PCDH10: variants seen among roughly 807,000 people sequenced by gnomAD.
The protein encoded by PCDH10 is protocadherin 10.
PCDH10 carries 15 observed loss-of-function variants against 74.4 expected under a neutral mutation model. That is an observed-to-expected ratio of 0.20 (90% CI 0.13 to 0.31). PCDH10 has a LOEUF of 0.31. Among genes scored for constraint, PCDH10 ranks in the 10% least tolerant of loss-of-function variants. PCDH10 has a pLI of 1.00. For missense variants in PCDH10, 1,260 were observed against 1,390.2 expected, an observed-to-expected ratio of 0.91 and a Z score of 1.49; for synonymous variants, 619 against 589.8, an observed-to-expected ratio of 1.05 and a Z score of -0.72.
At chr4:133,173,757 GT>G (rs1187811106) in intron 4 of PCDH10, among the ~76,000 whole-genome samples, 7 of 149,582 alleles carry the variant, frequency 4.7e-5, no homozygotes, top group Non-Finnish European at 7.4e-5. Context: ...CATCTCACAT[GT>G]TGAATTGCAA....
chr4:133,159,022 C>A (rs1726915368), intron 3 of PCDH10, among the ~76,000 whole-genome samples: 1 of 151,824 alleles, frequency 6.6e-6, no homozygotes, highest in African/African-American at 2.4e-5. Flanking sequence ...CTAAAACATA[C>A]TGCAATTTTT....
In PCDH10 at chr4:133,150,188, C is replaced by A. The variant is rs1252572098; in HGVS notation, c.48C>A (p.Val16=). 3 of 1,601,060 alleles carry A rather than the reference C, an allele frequency of 1.9e-6. No homozygotes were observed. The highest frequency in any genetic ancestry group is 2.2e-5 in the East Asian group (1 of 44,792). Residue 16 remains valine (V), a synonymous_variant, in exon 1 of 5, where the codon GTC becomes GTA. Transcript: ENST00000264360. Reference sequence around the variant, plus strand: ...CCTTGCTCTGGATGGTGGAAGGAGTCTTTTCCCAGCTTCACTACACGGTAC... The same window carrying A: ...CCTTGCTCTGGATGGTGGAAGGAGTATTTTCCCAGCTTCACTACACGGTAC... ...LFALLWMVEG[V]FSQLHYTVQE...
chr4:133,183,322 G>A (rs1027106046), intron 4 of PCDH10, among the ~76,000 whole-genome samples: 1 of 152,018 alleles, frequency 6.6e-6, no homozygotes, highest in African/African-American at 2.4e-5. Context: ...GTTACCTTAT[G>A]AGAAGGTAGT....
Position 133,158,619 on chromosome 4 carries a change from G to A in PCDH10, c.2797+3596G>A, listed in dbSNP as rs1367105278. ...TTGATTGGTCAATAATTTCAAATTA[G>A]TAGATAAAATATACCATTGAAATGC... On this transcript the variant is annotated intron_variant, in intron 3 of 4. Transcript: ENST00000264360. Among the ~76,000 whole-genome samples, 3 of 152,178 alleles carry A rather than the reference G, an allele frequency of 2.0e-5. No individual in the cohort carries two copies. In the East Asian group the frequency reaches 5.8e-4, roughly 29 times the overall value.
At chr4:133,163,923 A>T (rs1727027045) in intron 4 of PCDH10, 2 of 445,838 alleles carry the variant, frequency 4.5e-6, no homozygotes, top group African/African-American at 4.1e-5. Flanking sequence ...GCCTTTATGA[A>T]GTATAACGTG....
In PCDH10 at chr4:133,154,348, A is replaced by G; in HGVS notation, c.2673A>G (p.Arg891=). Residue 891 remains arginine, a synonymous_variant, in exon 2 of 5, where the codon AGA becomes AGG. Coordinates refer to ENST00000264360, the MANE Select transcript of PCDH10 (RefSeq NM_032961.3). ...CAGAGCTCAGCTATCTAGTTGACAG[A>G]CCTCGCCGAGTTAACAGGTATGGAC... is the stretch of plus-strand genomic sequence containing the variant. ...QRAELSYLVD[R]PRRVNSSAFQ... is the part of the protein sequence containing the mutation. 4 of 1,605,956 alleles carry G rather than the reference A, an allele frequency of 2.5e-6. No individual in the cohort carries two copies. The highest frequency in any genetic ancestry group is 1.3e-5 in the African/African-American group (1 of 74,448).
In PCDH10 at chr4:133,151,868, G is replaced by A; in HGVS notation, c.1728G>A (p.Ala576=). 6.2e-7 allele frequency: 1 copy of A among 1,613,056 alleles called. No homozygotes were observed. Among genetic ancestry groups the A allele is most frequent in the Non-Finnish European group, 8.5e-7 (1 of 1,180,020 alleles). ...DQNDNAPAIV[A]PLPGRNGTPA... ...ATGACAACGCCCCTGCCATCGTGGC[G>A]CCTCTACCAGGGCGCAACGGGACTC... The change falls in exon 1 of 5, where the codon GCG becomes GCA. Residue 576 remains alanine (A), a synonymous_variant. Transcript: ENST00000264360.
At chr4:133,201,336 G>A (rs1727906433) in intron 2 of PCDH10, among the ~76,000 whole-genome samples, 1 of 152,096 alleles carries the variant, frequency 6.6e-6, no homozygotes, top group Non-Finnish European at 1.5e-5. Context: ...AGGATTATGG[G>A]GATGGAGACA....
intron 4 of PCDH10, among the ~76,000 whole-genome samples, chr4:133,175,259 A>C (rs1306358982): frequency 6.6e-6 from 1 of 152,028 alleles, no homozygotes; most frequent in Non-Finnish European, 1.5e-5. Context: ...TATTTTTAGT[A>C]GTATTATTTA....
chr4:133,153,602 G>C (rs957961165), intron 1 of PCDH10: 3 of 151,912 alleles, frequency 2.0e-5, no homozygotes, highest in South Asian at 2.1e-4. Flanking sequence ...TGACAAAGTC[G>C]GAGGGTGGGG....
At position 133,155,267 on chromosome 4, in the gene PCDH10, T is replaced by C. The variant is rs111598761; in HGVS notation, c.2797+244T>C. Among the ~76,000 whole-genome samples, 593 of 152,330 alleles carry C rather than the reference T, an allele frequency of 3.9e-3. 3 individuals carry two copies. The highest frequency in any genetic ancestry group is 0.013 in the African/African-American group (552 of 41,570). On this transcript the variant is annotated intron_variant, in intron 3 of 4. Coordinates refer to ENST00000264360, the MANE Select transcript of PCDH10 (RefSeq NM_032961.3). ...AGAGTGTCAGAATACGAAATATATC[T>C]TGCTTATGTAATGTTCTTTAATGGA...
At chr4:133,178,340 G>A (rs1282438204) in intron 4 of PCDH10, among the ~76,000 whole-genome samples, 3 of 151,922 alleles carry the variant, frequency 2.0e-5, no homozygotes, top group South Asian at 4.2e-4. Context: ...GGATTCAAGC[G>A]ATTCTCCTGC....
intron 4 of PCDH10, among the ~76,000 whole-genome samples, chr4:133,185,117 G>A (rs974110125): frequency 6.8e-6 from 1 of 147,902 alleles, no homozygotes; most frequent in African/African-American, 2.5e-5. Context: ...TAAAAACACA[G>A]TAATCATTTT....
exon 3 of PCDH10, chr4:133,208,096 T>C (rs1405053683): frequency 6.6e-6 from 1 of 152,212 alleles, no homozygotes; most frequent in African/African-American, 2.4e-5. Flanking sequence ...GAGGCAGCTA[T>C]GTGGAGAGAC....
chr4:133,173,273 G>C (rs756480228), intron 4 of PCDH10, among the ~76,000 whole-genome samples: 10 of 151,892 alleles, frequency 6.6e-5, no homozygotes, highest in Non-Finnish European at 1.3e-4. Flanking sequence ...AAAGTAAAGA[G>C]GTGACATAAT....
At chr4:133,166,436 A>G (rs1337269206) in intron 4 of PCDH10, among the ~76,000 whole-genome samples, 3 of 151,518 alleles carry the variant, frequency 2.0e-5, no homozygotes. Context: ...CATTTTAAGG[A>G]TTTGTTTAGA....
intron 4 of PCDH10, among the ~76,000 whole-genome samples, chr4:133,180,047 T>G (rs1174877268): frequency 2.6e-5 from 4 of 152,054 alleles, no homozygotes; most frequent in Non-Finnish European, 5.9e-5. Context: ...CTTTCAAATT[T>G]TCATAATTTT....
rs1259190112 is a variant in PCDH10, at chr4:133,192,011, GTACATT to G, written c.*1854_*1859del. The G allele has an allele frequency of 7.0e-6, 1 of 142,604 alleles. No homozygotes were observed. The highest frequency in any genetic ancestry group is 2.0e-4 in the East Asian group (1 of 4,930). The allele number at this position is 142,604 out of a possible 1,614,324, so 8.8% of individuals were successfully genotyped here. A position where few individuals can be genotyped will look rare whatever the true frequency, so the allele number is the denominator to read the frequency against. On this transcript the variant is annotated 3_prime_UTR_variant, in exon 5 of 5. Coordinates refer to ENST00000264360, the MANE Select transcript of PCDH10 (RefSeq NM_032961.3). ...CACACACACACTTAGGTCCTGATAT[GTACATT>G]TAGAGTGATATATTGGTATCACTCA...
chr4:133,173,817 A>G (rs912038105), intron 4 of PCDH10, among the ~76,000 whole-genome samples: 3 of 151,816 alleles, frequency 2.0e-5, no homozygotes, highest in Non-Finnish European at 4.4e-5. Context: ...GTAGTTTTAG[A>G]AAGAGATTTG....
Sources: gnomAD v4.1 joint callset for allele counts (sites outside exome capture counted in the v4.1 genomes callset) on GRCh38, gnomAD v4.1.1 for gene constraint, MANE v1.5 for transcripts, NCBI Gene and HGNC (gene_info 2026-07-23, HGNC 2026-07-21) for gene names.